The following SPTB variants were observed in gnomAD, a reference collection of about 807,000 sequenced individuals.
SPTB encodes the protein spectrin beta chain, erythrocytic.
In SPTB, 45 loss-of-function variants were observed where a neutral mutation model predicts 256.2. The observed-to-expected ratio is 0.18, with a 90% CI of 0.14 to 0.23. The LOEUF (loss-of-function observed/expected upper bound fraction) is 0.23. SPTB is among the 10% of genes least tolerant of loss of function. SPTB has a pLI of 1.00. For synonymous variants in SPTB, 1,231 were observed against 1,243.1 expected (o/e 0.99, Z 0.21); for missense variants, 2,715 against 3,040.4 (o/e 0.89, Z 2.52).
chr14:64,842,226 T>C (rs532139515), intron 1 of SPTB, among the ~76,000 whole-genome samples: 1 of 152,352 alleles, frequency 6.6e-6, no homozygotes, highest in Non-Finnish European at 1.5e-5. Context: ...ATTGCTAAAA[T>C]AGTCTGCAAG....
intron 9 of SPTB, among the ~76,000 whole-genome samples, chr14:64,799,335 C>G (rs1025737186): frequency 6.6e-6 from 1 of 152,184 alleles, no homozygotes; most frequent in Non-Finnish European, 1.5e-5. Context: ...GAAGGATGAA[C>G]TTGACAATCC....
Position 64,816,744 on chromosome 14 carries a change from G to A in SPTB, c.148+6203C>T, listed in dbSNP as rs961184124. ...CCTTGTCACTCTGTCTCAGTGACAT[G>A]TTATAAAGGGAAAATGGAAAATTGC... On this transcript the variant is annotated intron_variant, in intron 2 of 35. Transcript: ENST00000644917. This position sits in a 1 kb window ranked among gnomAD's most constrained non-coding sequence, Gnocchi z 4.2. Among the ~76,000 whole-genome samples, 4 of 152,108 alleles carry A rather than the reference G, an allele frequency of 2.6e-5. No homozygotes were observed. Among genetic ancestry groups the A allele is most frequent in the Non-Finnish European group, 5.9e-5 (4 of 68,012 alleles).
At chr14:64,801,668 T>C (rs769266313) in intron 6 of SPTB, 86 bp downstream of exon 6, 107 of 1,359,076 alleles carry the variant, frequency 7.9e-5, no homozygotes, top group Non-Finnish European at 1.1e-4. Flanking sequence ...GTCACATTTC[T>C]GTGACTCCAT....
chr14:64,752,981 G>A lies in SPTB; in HGVS notation c.6602+556C>T, dbSNP rs538507158. ...GGACGCAGCCTTTGAGTCAGTTCTC[G>A]GGGTCATAGAGTCACCAGATGACAG... On this transcript the variant is annotated intron_variant, in intron 33 of 35. Transcript: ENST00000644917. Among the ~76,000 whole-genome samples, 21 of 152,182 alleles carry A rather than the reference G, an allele frequency of 1.4e-4. No homozygotes were observed. The South Asian group carries it at 3.7e-3, about 27-fold the overall frequency.
chr14:64,804,658 C>G (rs964099667), intron 3 of SPTB, among the ~76,000 whole-genome samples: 2 of 152,190 alleles, frequency 1.3e-5, no homozygotes, highest in African/African-American at 2.4e-5. Context: ...CAGGCCATCA[C>G]AGGCCAGCTA....
At chr14:64,833,850 C>T (rs991142936) in intron 1 of SPTB, among the ~76,000 whole-genome samples, 2 of 152,128 alleles carry the variant, frequency 1.3e-5, no homozygotes. Context: ...CAGAGTGCTG[C>T]TCCTTAAGAG....
intron 2 of SPTB, among the ~76,000 whole-genome samples, chr14:64,813,908 G>C (rs1261265085): frequency 6.6e-6 from 1 of 152,174 alleles, no homozygotes; most frequent in Admixed American, 6.5e-5. Context: ...CCTAGCATGG[G>C]GCAGACTCTC....
chr14:64,749,640 C>T lies in SPTB; in HGVS notation c.6819+14G>A, dbSNP rs1422229546. 2 of 1,613,536 alleles carry T rather than the reference C, an allele frequency of 1.2e-6. No homozygotes were observed. The highest frequency in any genetic ancestry group is 1.7e-6 in the Non-Finnish European group (2 of 1,179,918). On this transcript the variant is annotated intron_variant, in intron 35 of 35. Transcript: ENST00000644917. The surrounding 1 kb of genome is among the most constrained non-coding windows in gnomAD (Gnocchi z 4.7). ...CCTTCTTAGCCAGGTCTGGGCTAGG[C>T]TGCCCGCGCTTACCTCATCCTTGCC...
chr14:64,877,928 T>C (rs146547731), intron 1 of SPTB, among the ~76,000 whole-genome samples: 1 of 152,342 alleles, frequency 6.6e-6, no homozygotes, highest in African/African-American at 2.4e-5. Context: ...GGAAGAAGCA[T>C]TGATCAGAGC....
chr14:64,776,073 C>T (rs1251897079), intron 22 of SPTB, among the ~76,000 whole-genome samples: 2 of 152,152 alleles, frequency 1.3e-5, no homozygotes, highest in Non-Finnish European at 2.9e-5. Context: ...GGCCCTGACA[C>T]GTGTTACTTG....
At position 64,841,447 on chromosome 14, in the gene SPTB, A is replaced by G. The variant is rs1413220651; in HGVS notation, c.-51-18302T>C. 1.3e-5 allele frequency among the ~76,000 whole-genome samples: 2 copies of G among 152,196 alleles called. No individual in the cohort carries two copies. Among genetic ancestry groups the G allele is most frequent in the Non-Finnish European group, 2.9e-5 (2 of 68,032 alleles). The stretch of plus-strand genomic sequence containing the variant: ...CACATCTAGCTCAACACCAGGCAAC[A>G]AGAGCATCAAGAAAGGCAACAGGAA... On this transcript the variant is annotated intron_variant, in intron 1 of 35. Transcript: ENST00000644917. This position sits in a 1 kb window ranked among gnomAD's most constrained non-coding sequence, Gnocchi z 4.6.
chr14:64,855,722 T>C (rs952950377), intron 1 of SPTB, among the ~76,000 whole-genome samples: 1 of 152,170 alleles, frequency 6.6e-6, no homozygotes. Flanking sequence ...AAAATAAATA[T>C]ACAGCAGAGA....
At chr14:64,822,255 T>C (rs2083299209) in intron 2 of SPTB, among the ~76,000 whole-genome samples, 1 of 130,812 alleles carries the variant, frequency 7.6e-6, no homozygotes, top group African/African-American at 3.7e-5. Context: ...TCACAGGAGT[T>C]GGGGAAAAAA....
rs540735978 is a variant in SPTB, at chr14:64,775,794, G to C, written c.4564-391C>G. Among the ~76,000 whole-genome samples, 5 of 152,314 alleles carry C rather than the reference G, an allele frequency of 3.3e-5. No individual in the cohort carries two copies. In the South Asian group the frequency reaches 1.0e-3, roughly 32 times the overall value. On this transcript the variant is annotated intron_variant, in intron 22 of 35. Transcript: ENST00000644917. The surrounding 1 kb of genome is among the most constrained non-coding windows in gnomAD (Gnocchi z 5.0). ...GAAGGAAAAGAAAAATGGCCTTTTT[G>C]ATACCTTATTCTAACAGCTTTTGCA... is the stretch of plus-strand genomic sequence containing the variant.
chr14:64,819,166 C>G (rs2083244566), intron 2 of SPTB, among the ~76,000 whole-genome samples: 9 of 152,204 alleles, frequency 5.9e-5, no homozygotes, highest in Admixed American at 5.9e-4. Context: ...TTTAGTTAGG[C>G]TGACTCCCAG....
chr14:64,830,389 A>AT (rs1292365053), intron 1 of SPTB, among the ~76,000 whole-genome samples: 2 of 143,330 alleles, frequency 1.4e-5, no homozygotes, highest in Non-Finnish European at 3.1e-5. Flanking sequence ...ATTTTATTTT[A>AT]TTTTTTGAGA....
At chr14:64,872,325 G>A (rs560224280) in intron 1 of SPTB, among the ~76,000 whole-genome samples, 1 of 152,162 alleles carries the variant, frequency 6.6e-6, no homozygotes, top group East Asian at 1.9e-4. Context: ...ATCTCACCAG[G>A]ACTATCATCC....
At chr14:64,843,849 A>G (rs1010017078) in intron 1 of SPTB, among the ~76,000 whole-genome samples, 1 of 152,160 alleles carries the variant, frequency 6.6e-6, no homozygotes, top group Non-Finnish European at 1.5e-5. Context: ...TCTGTGCTCA[A>G]TGCAGAATTT....
rs747738552 is a variant in SPTB at position 64,753,635 on chromosome 14, C to A, written c.6504G>T (p.Thr2168=). 2 of 1,613,544 alleles carry A rather than the reference C, an allele frequency of 1.2e-6. No homozygotes were observed. Among genetic ancestry groups the A allele is most frequent in the African/African-American group, 2.7e-5 (2 of 74,908 alleles). ...TPLSEGDEPA[T]LPAPRDHGQS... is the part of the protein sequence containing the mutation. ...GCCCATGGTCCCGCGGGGCCGGCAG[C>A]GTTGCGGGCTCATCACCCTCGCTCA... The change falls in exon 33 of 36, where the codon ACG becomes ACT. Residue 2168 remains threonine, a synonymous_variant. Transcript: ENST00000644917.
Sources: allele counts gnomAD v4.1 joint callset (sites outside exome capture counted in the v4.1 genomes callset), GRCh38; gene constraint gnomAD v4.1.1; non-coding constraint Gnocchi (gnomAD v3.1); transcripts MANE v1.5; gene names NCBI Gene and HGNC (gene_info 2026-07-23, HGNC 2026-07-21).